The following UVSSA variants were observed in gnomAD, a reference collection of about 807,000 sequenced individuals.
UVSSA encodes UV stimulated scaffold protein A.
In UVSSA, 72 loss-of-function variants were observed where a neutral mutation model predicts 73.9. The ratio of observed to expected loss-of-function variants is 0.97; its 90% CI spans 0.81 to 1.19. The LOEUF (loss-of-function observed/expected upper bound fraction) is 1.19. UVSSA is among the 50% of genes most tolerant of loss of function. The pLI is 0.00. For missense variants in UVSSA, 1,150 were observed against 965.0 expected (o/e 1.19, Z -2.54); for synonymous variants, 454 against 391.3 (o/e 1.16, Z -1.89).
intron 4 of UVSSA, 42 bp downstream of exon 4, chr4:1,351,877 G>A (rs180864391): frequency 6.2e-7 from 1 of 1,603,266 alleles, no homozygotes; most frequent in East Asian, 2.2e-5. Context: ...GCCTCTGAGG[G>A]TTGCCCGTGG....
chr4:1,369,310 G>C (rs1717732684), intron 8 of UVSSA, among the ~76,000 whole-genome samples: 3 of 152,208 alleles, frequency 2.0e-5, no homozygotes, highest in African/African-American at 7.2e-5. Flanking sequence ...TGCCCTCTGG[G>C]GTGCGCAGGG....
chr4:1,343,411 G>A (rs574198649), upstream of UVSSA, among the ~76,000 whole-genome samples: 9 of 152,184 alleles, frequency 5.9e-5, no homozygotes, highest in South Asian at 2.1e-4. Context: ...TTAGGGCTTC[G>A]ACATAGGAAT....
In UVSSA at chr4:1,387,708, C is replaced by T. The variant is rs1264067444; in HGVS notation, c.*1747C>T. The T allele has an allele frequency of 2.0e-5, 3 of 152,080 alleles. No homozygotes were observed. The highest frequency in any genetic ancestry group is 4.4e-5 in the Non-Finnish European group (3 of 68,032). 9.4% of individuals were successfully genotyped at this position (152,080 alleles called of 1,614,324 possible). ...ATTTGTTGAAAACATTATTTTTCCC[C>T]ATTGAATTATCTTCGCACCATTATT... On this transcript the variant is annotated 3_prime_UTR_variant, in exon 14 of 14. Transcript: ENST00000389851.
chr4:1,390,901 T>C (rs751478003), downstream of UVSSA: 5 of 152,886 alleles, frequency 3.3e-5, no homozygotes, highest in Non-Finnish European at 5.8e-5. Context: ...TAGTGTTGTA[T>C]AGATGCCTGT....
At chr4:1,350,932 G>T (rs568627437) in intron 3 of UVSSA, among the ~76,000 whole-genome samples, 77 of 152,252 alleles carry the variant, frequency 5.1e-4, no homozygotes, top group African/African-American at 1.7e-3. Context: ...TTGAGACAGG[G>T]TCTTGGTTTG....
At chr4:1,375,949 C>T in intron 9 of UVSSA, 85 bp from the exon 10 acceptor site, 3 of 1,534,830 alleles carry the variant, frequency 2.0e-6, no homozygotes, top group South Asian at 2.4e-5. Flanking sequence ...AGGCCCCAGC[C>T]TTGCTGTGGG....
At position 1,395,374 on chromosome 4, in the gene UVSSA, G is replaced by A. The variant is rs753482015; in HGVS notation, c.*9413G>A. 8 of 1,576,004 alleles carry A rather than the reference G, an allele frequency of 5.1e-6. No individual in the cohort carries two copies. In the Admixed American group the frequency reaches 1.4e-4, roughly 28 times the overall value. ...GCCTGCTCACATGTGCCGATGTGGAGTGCCCGCCTGCTCACACGTGCCCAT... is the reference window on the plus strand; with the variant it reads ...GCCTGCTCACATGTGCCGATGTGGAATGCCCGCCTGCTCACACGTGCCCAT... On this transcript the variant is annotated 3_prime_UTR_variant, in exon 14 of 14. Transcript: ENST00000511216.
rs1718967726 is a variant in UVSSA, at chr4:1,377,873, C to A, written c.1568+1705C>A. 4.6e-5 allele frequency among the ~76,000 whole-genome samples: 7 copies of A among 152,256 alleles called. No individual in the cohort carries two copies. The South Asian group carries it at 1.4e-3, about 31-fold the overall frequency. ...GTGGTCGGCTTGATGGAGTTGCAGC[C>A]TACACATGGCAGCGGCCCGGGCTGG... On this transcript the variant is annotated intron_variant, in intron 10 of 13. Transcript: ENST00000389851.
intron 7 of UVSSA, among the ~76,000 whole-genome samples, chr4:1,362,569 G>A (rs6822570): frequency 0.29 from 44,520 of 152,178 alleles, 7,893 homozygotes; most frequent in Non-Finnish European, 0.4. Context: ...CACCACATAG[G>A]GTGTATGATC....
At chr4:1,352,746 GT>G (rs1320538967) in intron 4 of UVSSA, among the ~76,000 whole-genome samples, 1 of 152,260 alleles carries the variant, frequency 6.6e-6, no homozygotes, top group Non-Finnish European at 1.5e-5. Flanking sequence ...GAGTCCAGGA[GT>G]TTAAAGCCAG....
At chr4:1,349,984 C>G in intron 3 of UVSSA, 130 bp downstream of exon 3, 2 of 840,442 alleles carry the variant, frequency 2.4e-6, no homozygotes, top group East Asian at 2.7e-5. Flanking sequence ...GCCTGAACAC[C>G]CAGGCTGCCA....
downstream of UVSSA, chr4:1,392,071 T>C (rs1210526532): frequency 6.6e-6 from 1 of 152,268 alleles, no homozygotes; most frequent in Non-Finnish European, 1.5e-5. Flanking sequence ...TGTAATTTCC[T>C]TGTCTGTTTT....
chr4:1,367,807 G>A (rs890280661), intron 8 of UVSSA, among the ~76,000 whole-genome samples: 14 of 151,986 alleles, frequency 9.2e-5, no homozygotes, highest in African/African-American at 2.7e-4. Context: ...TTCCCCCACC[G>A]AGACGCAGCC....
At chr4:1,344,865 G>A (rs1316027106), upstream of UVSSA, among the ~76,000 whole-genome samples, 5 of 152,190 alleles carry the variant, frequency 3.3e-5, no homozygotes, top group Admixed American at 2.6e-4. Flanking sequence ...TGAGACATGA[G>A]CAGTGGCTGG....
intron 7 of UVSSA, among the ~76,000 whole-genome samples, chr4:1,365,580 C>A (rs1382595484): frequency 6.6e-6 from 1 of 152,232 alleles, no homozygotes; most frequent in African/African-American, 2.4e-5. Flanking sequence ...GAGGGATCCC[C>A]CCACACCTAC....
chr4:1,353,261 C>T lies in UVSSA; in HGVS notation c.782C>T (p.Ala261Val), dbSNP rs762692514. The change falls in exon 5 of 14, where the codon GCA (alanine) becomes GTA (valine). Residue 261 changes from alanine (A) to valine (V), a missense_variant. Coordinates refer to ENST00000389851, the MANE Select transcript of UVSSA (RefSeq NM_020894.4). The part of the protein sequence containing the change: ...PCCSRDLPAS[A>V]GHPRAGGGAQ... ...TGCAGTAGAGACCTGCCTGCCTCTG[C>T]AGGCCACCCCAGAGCGGGCGGCGGG... 8 of 1,611,272 alleles carry T rather than the reference C, an allele frequency of 5.0e-6. No individual in the cohort carries two copies. In the East Asian group the frequency reaches 8.9e-5, roughly 18 times the overall value.
exon 14 of UVSSA, chr4:1,394,277 T>G: frequency 2.5e-6 from 2 of 791,124 alleles, no homozygotes; most frequent in Non-Finnish European, 1.9e-6. Flanking sequence ...CTTTCATGAG[T>G]TATGTAGTTG....
rs902417275 is a variant in UVSSA, at chr4:1,387,250, G to T, written c.*1289G>T. 6.6e-6 allele frequency: 1 copy of T among 152,068 alleles called. No homozygotes were observed. The allele number at this position is 152,068 out of a possible 1,614,324, so 9.4% of individuals were successfully genotyped here. A position where few individuals can be genotyped will look rare whatever the true frequency, so the allele number is the denominator to read the frequency against. On this transcript the variant is annotated 3_prime_UTR_variant, in exon 14 of 14. Coordinates refer to ENST00000389851, the MANE Select transcript of UVSSA (RefSeq NM_020894.4). ...GCACCACCACGCCCAGCTAATTTTTGTATTTTTAGTAGAGACGGGATTTCA... is the reference window on the plus strand; with the variant it reads ...GCACCACCACGCCCAGCTAATTTTTTTATTTTTAGTAGAGACGGGATTTCA...
At chr4:1,377,164 T>C (rs1577365069) in intron 10 of UVSSA, among the ~76,000 whole-genome samples, 1 of 152,248 alleles carries the variant, frequency 6.6e-6, no homozygotes, top group East Asian at 1.9e-4. Flanking sequence ...GCAAGGGTCC[T>C]GGGGCAGCTT....
Sources: gnomAD v4.1 joint callset for allele counts (sites outside exome capture counted in the v4.1 genomes callset) on GRCh38, gnomAD v4.1.1 for gene constraint, MANE v1.5 for transcripts, NCBI Gene and HGNC (gene_info 2026-07-23, HGNC 2026-07-21) for gene names.